The following FCGR3A variants were observed in gnomAD, a reference collection of about 807,000 sequenced individuals.
FCGR3A encodes the protein Fc gamma receptor IIIa, also known as low affinity immunoglobulin gamma Fc region receptor III-A.
A neutral mutation model predicts 24.1 loss-of-function variants in FCGR3A; 13 were observed. That is an observed-to-expected ratio of 0.54 (90% CI 0.35 to 0.86). The LOEUF (loss-of-function observed/expected upper bound fraction) is 0.86, where lower values mean the gene tolerates loss of function less well. Among genes scored for constraint, FCGR3A ranks in the 40% least tolerant of loss-of-function variants. The pLI, the probability that FCGR3A is intolerant of heterozygous loss-of-function variation, is 0.01. For missense variants in FCGR3A, 235 were observed against 298.0 expected (o/e 0.79, Z 1.56); for synonymous variants, 93 against 112.2 (o/e 0.83, Z 1.08).
intron 3 of FCGR3A, among the ~76,000 whole-genome samples, chr1:161,547,604 A>C (rs537674112): frequency 9.8e-5 from 15 of 152,356 alleles, no homozygotes; most frequent in Non-Finnish European, 1.3e-4. Flanking sequence ...TGGAAGAGCT[A>C]TCACATTACC....
intron 3 of FCGR3A, among the ~76,000 whole-genome samples, chr1:161,547,426 C>T (rs1432178869): frequency 5.3e-5 from 8 of 152,050 alleles, no homozygotes; most frequent in South Asian, 4.1e-4. Context: ...GTTTGCAGGG[C>T]GACACTGCAG....
chr1:161,549,583 T>C, intron 1 of FCGR3A, 114 bp downstream of exon 1: 2 of 1,512,796 alleles, frequency 1.3e-6, no homozygotes, highest in Non-Finnish European at 1.8e-6. Context: ...CAGCTATAGA[T>C]GTGGTGAGGG....
At position 161,549,017 on chromosome 1, in the gene FCGR3A, G is replaced by T. The variant is rs370288605; in HGVS notation, c.55C>A (p.Arg19=). ...ALLLLVSAGM[R]TEDLPKAVVF... is the part of the protein sequence containing the mutation. ...GACCATGAAGCTGACTCACCAGTCCGCATGCCAGCTGAAACTGCAAGAAAA... is the reference window on the plus strand; with the variant it reads ...GACCATGAAGCTGACTCACCAGTCCTCATGCCAGCTGAAACTGCAAGAAAA... The change falls in exon 2 of 5, where the codon CGG becomes AGG. Residue 19 remains arginine, a synonymous_variant. Transcript: ENST00000443193. 5.6e-6 allele frequency: 9 copies of T among 1,595,028 alleles called. No individual in the cohort carries two copies. In the Middle Eastern group the frequency reaches 5.0e-4, roughly 89 times the overall value.
rs199840551 is a variant in FCGR3A, at chr1:161,548,494, G to A, written c.246C>T (p.Asp82=). The stretch of plus-strand genomic sequence containing the variant: ...TCTGGCACCTGTACTCTCCACTGTC[G>A]TCGACTGTGGCAGCGTCAATGAAGT... ...SSYFIDAATV[D]DSGEYRCQTN... Residue 82 remains aspartate (D), a synonymous_variant, in exon 3 of 5, where the codon GAC becomes GAT. Coordinates refer to ENST00000443193, the MANE Select transcript of FCGR3A (RefSeq NM_000569.8). 130 of 1,613,988 alleles carry A rather than the reference G, an allele frequency of 8.1e-5. No individual in the cohort carries two copies. In the South Asian group the frequency reaches 9.4e-4, roughly 12 times the overall value.
At chr1:161,546,487 T>C (rs545839765) in intron 3 of FCGR3A, among the ~76,000 whole-genome samples, 8 of 152,080 alleles carry the variant, frequency 5.3e-5, no homozygotes, top group South Asian at 4.2e-4. Context: ...GAATCTACAG[T>C]CTAGACATAG....
upstream of FCGR3A, chr1:161,550,227 G>C: frequency 2.3e-6 from 1 of 439,654 alleles, no homozygotes; most frequent in Non-Finnish European, 4.0e-6. Flanking sequence ...TCCAGCTGAG[G>C]CCCTGCCTGC....
At chr1:161,545,808 T>G (rs1317415612) in intron 3 of FCGR3A, 1 of 151,966 alleles carries the variant, frequency 6.6e-6, no homozygotes, top group African/African-American at 2.4e-5. Flanking sequence ...ATGTTATAGG[T>G]AAGTATTATA....
chr1:161,541,915 C>A lies in FCGR3A; in HGVS notation c.*1097G>T, dbSNP rs1677128312. 6.6e-6 allele frequency: 1 copy of A among 152,220 alleles called. No individual in the cohort carries two copies. The highest frequency in any genetic ancestry group is 2.4e-5 in the African/African-American group (1 of 41,396). The allele number at this position is 152,220 out of a possible 1,614,324, so 9.4% of individuals were successfully genotyped here. A position where few individuals can be genotyped will look rare whatever the true frequency, so the allele number is the denominator to read the frequency against. ...GCTTTCTTTCATAAGCAACAATTGT[C>A]TTCTCCATCCCCACCTCATTGGAAC... is the stretch of plus-strand genomic sequence containing the variant. On this transcript the variant is annotated 3_prime_UTR_variant, in exon 5 of 5. Coordinates refer to ENST00000443193, the MANE Select transcript of FCGR3A (RefSeq NM_000569.8).
intron 3 of FCGR3A, chr1:161,545,493 A>AG (rs1182933061): frequency 6.4e-6 from 1 of 155,642 alleles, no homozygotes; most frequent in Non-Finnish European, 1.4e-5. Context: ...TGTAAACACC[A>AG]GGGAGGGGAA....
intron 2 of FCGR3A, 101 bp downstream of exon 2, chr1:161,548,910 C>G: frequency 7.7e-7 from 1 of 1,299,716 alleles, no homozygotes; most frequent in East Asian, 2.3e-5. Context: ...GCTAACCCCA[C>G]ATCAGCATTT....
chr1:161,547,667 G>T (rs1677487420), intron 3 of FCGR3A, among the ~76,000 whole-genome samples: 1 of 152,338 alleles, frequency 6.6e-6, no homozygotes, highest in Non-Finnish European at 1.5e-5. Flanking sequence ...GAGACAGAAA[G>T]ATATGATGCT....
chr1:161,544,932 A>G lies in FCGR3A; in HGVS notation c.346T>C (p.Trp116Arg). 1 of 1,611,528 alleles carries G rather than the reference A, an allele frequency of 6.2e-7. No homozygotes were observed. Among genetic ancestry groups the G allele is most frequent in the Non-Finnish European group, 8.5e-7 (1 of 1,178,222 alleles). ...IGWLLLQAPR[W>R]VFKEEDPIHL... Reference sequence around the variant, plus strand: ...ATAGGGTCTTCCTCCTTGAACACCCACCGAGGGGCCTGGAGCAACAGCCAG... The same window carrying G: ...ATAGGGTCTTCCTCCTTGAACACCCGCCGAGGGGCCTGGAGCAACAGCCAG... The change falls in exon 4 of 5, where the codon TGG becomes CGG. Residue 116 changes from tryptophan to arginine, a missense_variant. By Grantham distance (101) the Trp-to-Arg change is moderately radical. Coordinates refer to ENST00000443193, the MANE Select transcript of FCGR3A (RefSeq NM_000569.8).
intron 4 of FCGR3A, among the ~76,000 whole-genome samples, chr1:161,543,865 A>T (rs574936543): frequency 6.6e-6 from 1 of 152,370 alleles, no homozygotes; most frequent in South Asian, 2.1e-4. Context: ...TGAAACTGGA[A>T]AGTCCAGGCA....
At chr1:161,545,075 A>T (rs1677328865) in intron 3 of FCGR3A, 117 bp from the exon 4 acceptor site, 1 of 1,324,734 alleles carries the variant, frequency 7.5e-7, no homozygotes, top group Non-Finnish European at 1.0e-6. Flanking sequence ...TTGGGAGTCA[A>T]CCCTGCATAG....
chr1:161,550,650 G>C (rs1387879016), upstream of FCGR3A: 2 of 132,098 alleles, frequency 1.5e-5, no homozygotes, highest in African/African-American at 8.2e-5. Context: ...AAAGGTGGAG[G>C]GGGGTGGCCA....
At chr1:161,546,716 T>C (rs1458128487) in intron 3 of FCGR3A, among the ~76,000 whole-genome samples, 1 of 151,760 alleles carries the variant, frequency 6.6e-6, no homozygotes. Context: ...CCATCCTGGC[T>C]AACGCTGCGA....
chr1:161,544,756 C>A lies in FCGR3A; in HGVS notation c.522G>T (p.Gly174=). The A allele has an allele frequency of 6.2e-7, 1 of 1,612,528 alleles. No homozygotes were observed. Among genetic ancestry groups the A allele is most frequent in the Non-Finnish European group, 8.5e-7 (1 of 1,178,728 alleles). The change falls in exon 4 of 5, where the codon GGG becomes GGT. Residue 174 remains glycine (G), a synonymous_variant. Transcript: ENST00000443193. The part of the protein sequence containing the change: ...LKDSGSYFCR[G]LFGSKNVSSE... ...AAGACACATTTTTACTCCCAAAAAG[C>A]CCCCTGCAGAAGTAGGAGCCGCTGT...
At chr1:161,546,050 A>C (rs960614381) in intron 3 of FCGR3A, among the ~76,000 whole-genome samples, 1 of 152,068 alleles carries the variant, frequency 6.6e-6, no homozygotes, top group Non-Finnish European at 1.5e-5. Flanking sequence ...CAAAATTTAC[A>C]ATAATTTTAT....
In FCGR3A at chr1:161,549,778, G is replaced by A. The variant is rs754802006; in HGVS notation, c.-42C>T. 6.2e-7 allele frequency: 1 copy of A among 1,613,888 alleles called. No homozygotes were observed. The highest frequency in any genetic ancestry group is 8.5e-7 in the Non-Finnish European group (1 of 1,179,896). Reference sequence around the variant, plus strand: ...GGACAAGTCACCAAAGATATCCGGAGCCCTAAAGGGACCAAACCGACTAGA... The same window carrying A: ...GGACAAGTCACCAAAGATATCCGGAACCCTAAAGGGACCAAACCGACTAGA... On this transcript the variant is annotated 5_prime_UTR_variant, in exon 1 of 5. Transcript: ENST00000443193.
Sources: gnomAD v4.1 joint callset for allele counts (sites outside exome capture counted in the v4.1 genomes callset) on GRCh38, gnomAD v4.1.1 for gene constraint, MANE v1.5 for transcripts, NCBI Gene and HGNC (gene_info 2026-07-23, HGNC 2026-07-21) for gene names.